The following GRIK3 variants were observed in gnomAD, a reference collection of about 807,000 sequenced individuals.
The protein encoded by GRIK3 is glutamate ionotropic receptor kainate type subunit 3.
A neutral mutation model predicts 102.5 loss-of-function variants in GRIK3; 29 were observed. That is an observed-to-expected ratio of 0.28 (90% CI 0.21 to 0.39). The LOEUF (loss-of-function observed/expected upper bound fraction) is 0.39. Ranked by LOEUF, GRIK3 falls within the 10% of genes least tolerant of loss-of-function variation. The pLI is 1.00. For synonymous variants in GRIK3, 511 were observed against 504.9 expected (o/e 1.01, Z -0.16); for missense variants, 908 against 1,252.4 (o/e 0.73, Z 4.15).
intron 9 of GRIK3, among the ~76,000 whole-genome samples, chr1:36,845,005 C>T (rs1640504043): frequency 6.6e-6 from 1 of 152,196 alleles, no homozygotes; most frequent in Non-Finnish European, 1.5e-5. Context: ...CTATACATCT[C>T]CATATAAATA....
chr1:36,944,473 G>A (rs1641761213), intron 1 of GRIK3, among the ~76,000 whole-genome samples: 1 of 152,176 alleles, frequency 6.6e-6, no homozygotes, highest in Non-Finnish European at 1.5e-5. Context: ...AGATACCAGA[G>A]AAGAGGGGAG....
intron 1 of GRIK3, among the ~76,000 whole-genome samples, chr1:36,930,186 A>G (rs1304652709): frequency 2.6e-5 from 4 of 152,186 alleles, no homozygotes; most frequent in African/African-American, 9.6e-5. Context: ...GGACACGAAT[A>G]CCAGGGGGAA....
chr1:36,980,925 C>T (rs1278981386), intron 1 of GRIK3, among the ~76,000 whole-genome samples: 2 of 152,114 alleles, frequency 1.3e-5, no homozygotes, highest in Non-Finnish European at 2.9e-5. Flanking sequence ...CATCCCTTTG[C>T]CCCCTTCCTG....
In GRIK3 at chr1:36,969,730, G is replaced by T. The variant is rs1439123211; in HGVS notation, c.115+64264C>A. Among the ~76,000 whole-genome samples, 6 of 152,334 alleles carry T rather than the reference G, an allele frequency of 3.9e-5. No individual in the cohort carries two copies. The East Asian group carries it at 9.7e-4, about 25-fold the overall frequency. On this transcript the variant is annotated intron_variant, in intron 1 of 15. Coordinates refer to ENST00000373091, the MANE Select transcript of GRIK3 (RefSeq NM_000831.4). ...AGTGAAATTCACCAAGGGAAGACAC[G>T]GAACTCACAGAGTTCAATGCAGTCT...
At chr1:37,031,152 C>T (rs1642823478) in intron 1 of GRIK3, among the ~76,000 whole-genome samples, 2 of 152,224 alleles carry the variant, frequency 1.3e-5, no homozygotes, top group African/African-American at 2.4e-5. Context: ...AAATGCCAAA[C>T]AATATGGCTT....
At chr1:37,024,678 G>A (rs2124082746) in intron 1 of GRIK3, among the ~76,000 whole-genome samples, 1 of 147,888 alleles carries the variant, frequency 6.8e-6, no homozygotes, top group South Asian at 2.2e-4. Flanking sequence ...AGGAAGTGGA[G>A]GTTGCAGTGA....
chr1:36,816,910 C>G (rs1044474594), intron 13 of GRIK3, 150 bp downstream of exon 13: 2 of 621,156 alleles, frequency 3.2e-6, no homozygotes, highest in South Asian at 4.0e-5. Context: ...CCAAAGTCAA[C>G]TAGTCCAAAC....
In GRIK3 at chr1:36,801,713, G is replaced by A; in HGVS notation, c.*138C>T. Reference sequence around the variant, plus strand: ...GCCTGCTGGCTTCCTGGCAGGTAAGGGCAGGAGGCTCCTGGCCCAACAGGC... The same window carrying A: ...GCCTGCTGGCTTCCTGGCAGGTAAGAGCAGGAGGCTCCTGGCCCAACAGGC... On this transcript the variant is annotated 3_prime_UTR_variant, in exon 16 of 16. Coordinates refer to ENST00000373091, the MANE Select transcript of GRIK3 (RefSeq NM_000831.4). The A allele has an allele frequency of 1.5e-6, 1 of 647,232 alleles. No homozygotes were observed. Among genetic ancestry groups the A allele is most frequent in the Admixed American group, 3.5e-5 (1 of 28,614 alleles). The allele number at this position is 647,232 out of a possible 1,614,324, so 40.1% of individuals were successfully genotyped here. A position where few individuals can be genotyped will look rare whatever the true frequency, so the allele number is the denominator to read the frequency against.
intron 10 of GRIK3, among the ~76,000 whole-genome samples, chr1:36,826,895 T>C (rs1642760671): frequency 6.6e-6 from 1 of 152,112 alleles, no homozygotes. Context: ...CTCATTCCCA[T>C]CCCATCTTTC....
At chr1:36,831,985 C>G (rs1449799186) in intron 10 of GRIK3, among the ~76,000 whole-genome samples, 1 of 152,164 alleles carries the variant, frequency 6.6e-6, no homozygotes, top group African/African-American at 2.4e-5. Flanking sequence ...TCCCCAAACT[C>G]TTTGTCTAGT....
intron 1 of GRIK3, among the ~76,000 whole-genome samples, chr1:37,009,078 T>A (rs1185244191): frequency 3.8e-5 from 2 of 53,162 alleles, no homozygotes; most frequent in Non-Finnish European, 7.6e-5. Flanking sequence ...GGAGATGTAA[T>A]AATAATAATA....
intron 1 of GRIK3, among the ~76,000 whole-genome samples, chr1:36,932,794 A>G (rs1261694627): frequency 6.6e-6 from 1 of 152,140 alleles, no homozygotes; most frequent in African/African-American, 2.4e-5. Flanking sequence ...GTGTATCTAC[A>G]GTCAGTTCAC....
chr1:36,995,029 C>T (rs879913798), intron 1 of GRIK3, among the ~76,000 whole-genome samples: 3 of 152,100 alleles, frequency 2.0e-5, no homozygotes, highest in South Asian at 4.1e-4. Context: ...CTTTGCAGAG[C>T]GGCAGGCCTG....
intron 1 of GRIK3, among the ~76,000 whole-genome samples, chr1:36,954,959 G>C (rs193132428): frequency 6.6e-6 from 1 of 152,348 alleles, no homozygotes; most frequent in East Asian, 1.9e-4. Context: ...AGGTCCATAG[G>C]AGCCCTGGGT....
chr1:36,900,693 A>G (rs1641224481), intron 1 of GRIK3, among the ~76,000 whole-genome samples: 1 of 152,170 alleles, frequency 6.6e-6, no homozygotes, highest in Non-Finnish European at 1.5e-5. Context: ...GAAAAGAAAT[A>G]ATAAAAATTA....
chr1:36,835,280 C>T (rs1004255932), intron 10 of GRIK3, among the ~76,000 whole-genome samples: 2 of 152,238 alleles, frequency 1.3e-5, no homozygotes, highest in Non-Finnish European at 2.9e-5. Flanking sequence ...GCCTCCAGCC[C>T]TGTGGTTTCT....
At chr1:36,811,880 G>A (rs1052970457) in intron 13 of GRIK3, among the ~76,000 whole-genome samples, 2 of 152,164 alleles carry the variant, frequency 1.3e-5, no homozygotes, top group African/African-American at 4.8e-5. Context: ...GTACAGGGGA[G>A]CAAATGGAAG....
intron 1 of GRIK3, among the ~76,000 whole-genome samples, chr1:36,969,881 T>C (rs971759582): frequency 6.6e-6 from 1 of 152,222 alleles, no homozygotes; most frequent in Non-Finnish European, 1.5e-5. Flanking sequence ...TATTATGTGA[T>C]GTAAGAACAA....
intron 1 of GRIK3, among the ~76,000 whole-genome samples, chr1:36,927,996 G>A (rs1442333609): frequency 6.6e-6 from 1 of 152,188 alleles, no homozygotes; most frequent in Admixed American, 6.5e-5. Context: ...GCCTTGACTG[G>A]CCCTCCCTGG....
Sources: allele counts gnomAD v4.1 joint callset (sites outside exome capture counted in the v4.1 genomes callset), GRCh38; gene constraint gnomAD v4.1.1; transcripts MANE v1.5; gene names NCBI Gene and HGNC (gene_info 2026-07-23, HGNC 2026-07-21).